The following MYCT1 variants were observed in gnomAD, a reference collection of about 807,000 sequenced individuals.
The protein encoded by MYCT1 is MYC target 1, also known as myc target protein 1.
In MYCT1, 12 loss-of-function variants were observed where a neutral mutation model predicts 15.0. The observed-to-expected ratio is 0.80, with a 90% CI of 0.51 to 1.29. The LOEUF (loss-of-function observed/expected upper bound fraction) is 1.29, where lower values mean the gene tolerates loss of function less well. Ranked by LOEUF, MYCT1 falls within the 50% of genes most tolerant of loss-of-function variation. The probability of loss-of-function intolerance (pLI) is 0.00; values close to 1 mark genes in which losing one functional copy is unlikely to be tolerated. For missense variants in MYCT1, 287 were observed against 279.1 expected, an observed-to-expected ratio of 1.03 and a Z score of -0.20; for synonymous variants, 104 against 102.7, an observed-to-expected ratio of 1.01 and a Z score of -0.07.
In MYCT1 at chr6:152,722,038, T is replaced by C; in HGVS notation, c.493T>C (p.Ser165Pro). Residue 165 changes from serine (S) to proline (P), a missense_variant, in exon 2 of 2, where the codon TCT becomes CCT. Coordinates refer to ENST00000367245, the MANE Select transcript of MYCT1 (RefSeq NM_025107.3). ...SFPRKSSFRA[S>P]TFHPFLQCPP... ...TCCAAGAAAATCAAGTTTCAGAGCT[T>C]CTACTTTCCATCCCTTTCTGCAATG... The C allele has an allele frequency of 6.2e-7, 1 of 1,614,130 alleles. No homozygotes were observed. Among genetic ancestry groups the C allele is most frequent in the Non-Finnish European group, 8.5e-7 (1 of 1,180,022 alleles).
At chr6:152,740,599 G>A in the MYCT1 span, among the ~76,000 whole-genome samples, 4 of 152,186 alleles carry the variant, frequency 2.6e-5, no homozygotes, top group Admixed American at 1.3e-4. Context: ...TACATCTGAC[G>A]TAAATGCATA....
the MYCT1 span, among the ~76,000 whole-genome samples, chr6:152,746,442 T>C: frequency 6.6e-6 from 1 of 150,984 alleles, no homozygotes; most frequent in African/African-American, 2.5e-5. Context: ...GATTTCATCA[T>C]GCTATTTGGA....
chr6:152,723,505 A>C lies in MYCT1; in HGVS notation c.*1252A>C, dbSNP rs1451911038. 1 of 152,214 alleles carries C rather than the reference A, an allele frequency of 6.6e-6. No individual in the cohort carries two copies. Among genetic ancestry groups the C allele is most frequent in the Non-Finnish European group, 1.5e-5 (1 of 68,042 alleles). 9.4% of individuals were successfully genotyped at this position (152,214 alleles called of 1,614,324 possible). The stretch of plus-strand genomic sequence containing the variant: ...ACTGGGGAGAGAGTTTGTTATTGAA[A>C]TAGATGTTGCCCATGAAGAATTCTC... On this transcript the variant is annotated 3_prime_UTR_variant, in exon 2 of 2. Coordinates refer to ENST00000367245, the MANE Select transcript of MYCT1 (RefSeq NM_025107.3).
chr6:152,704,429 G>A (rs1157672741), intron 1 of MYCT1, among the ~76,000 whole-genome samples: 2 of 152,082 alleles, frequency 1.3e-5, no homozygotes, highest in Non-Finnish European at 2.9e-5. Flanking sequence ...TTGAAGTTAC[G>A]TAAATCTTCC....
chr6:152,702,188 T>C (rs2099721440), intron 1 of MYCT1, among the ~76,000 whole-genome samples: 1 of 152,166 alleles, frequency 6.6e-6, no homozygotes, highest in South Asian at 2.1e-4. Flanking sequence ...AAGCTCCTCC[T>C]CTTTAGATGC....
chr6:152,700,154 A>C (rs924392810), intron 1 of MYCT1, among the ~76,000 whole-genome samples: 2 of 152,158 alleles, frequency 1.3e-5, no homozygotes, highest in Non-Finnish European at 2.9e-5. Flanking sequence ...CATTTCCTGA[A>C]ATATAAATGT....
rs992193180 is a variant in MYCT1 at position 152,722,533 on chromosome 6, G to A, written c.*280G>A. ...ATTAAAAATAGTGATTCTAATGTAA[G>A]AATCAGCTAAGATGCATTATATATA... On this transcript the variant is annotated 3_prime_UTR_variant, in exon 2 of 2. Transcript: ENST00000367245. 3.0e-5 allele frequency: 10 copies of A among 330,980 alleles called. No individual in the cohort carries two copies. The highest frequency in any genetic ancestry group is 5.0e-5 in the Non-Finnish European group (9 of 181,496). The allele number at this position is 330,980 out of a possible 1,614,324, so 20.5% of individuals were successfully genotyped here.
the MYCT1 span, among the ~76,000 whole-genome samples, chr6:152,744,948 T>A: frequency 6.6e-6 from 1 of 152,028 alleles, no homozygotes; most frequent in African/African-American, 2.4e-5. Flanking sequence ...CAGGTTTAGC[T>A]TTAGGGCCAA....
At chr6:152,731,855 C>T in the MYCT1 span, among the ~76,000 whole-genome samples, 2 of 151,896 alleles carry the variant, frequency 1.3e-5, no homozygotes, top group Admixed American at 6.6e-5. Flanking sequence ...TCAAGCTATC[C>T]TCCCACCTCA....
the MYCT1 span, among the ~76,000 whole-genome samples, chr6:152,733,877 T>G: frequency 6.6e-6 from 1 of 152,134 alleles, no homozygotes; most frequent in African/African-American, 2.4e-5. Flanking sequence ...ACTGAACAAG[T>G]TGCTTTTTCT....
the MYCT1 span, among the ~76,000 whole-genome samples, chr6:152,744,119 C>G: frequency 9.4e-5 from 14 of 149,572 alleles, no homozygotes; most frequent in African/African-American, 3.4e-4. Flanking sequence ...GACCTTTTCT[C>G]TGCAATTGTG....
chr6:152,723,969 T>G lies in MYCT1; in HGVS notation c.*1716T>G, dbSNP rs2099725172. 6.6e-6 allele frequency: 1 copy of G among 152,174 alleles called. No individual in the cohort carries two copies. The allele number at this position is 152,174 out of a possible 1,614,324, so 9.4% of individuals were successfully genotyped here. A position where few individuals can be genotyped will look rare whatever the true frequency, so the allele number is the denominator to read the frequency against. On this transcript the variant is annotated 3_prime_UTR_variant, in exon 2 of 2. Coordinates refer to ENST00000367245, the MANE Select transcript of MYCT1 (RefSeq NM_025107.3). ...CATGGTTCAAGAATAAGAGATTCCA[T>G]GTAGCATTTTCTTTATTATTTTCAT...
At chr6:152,718,060 T>G (rs1583974524) in intron 1 of MYCT1, among the ~76,000 whole-genome samples, 1 of 152,184 alleles carries the variant, frequency 6.6e-6, no homozygotes, top group Non-Finnish European at 1.5e-5. Context: ...CCCCAAATTT[T>G]GGGCATAGAC....
In MYCT1 at chr6:152,722,024, C is replaced by A; in HGVS notation, c.479C>A (p.Ser160Ter). The change falls in exon 2 of 2, where the codon TCA becomes TAA. Residue 160 changes from serine to a stop codon, truncating the protein, a stop_gained. Transcript: ENST00000367245. LOFTEE classifies it low-confidence loss of function (END_TRUNC). Reference sequence around the variant, plus strand: ...CAAGCAAATTCCTTTCCAAGAAAATCAAGTTTCAGAGCTTCTACTTTCCAT... The same window carrying A: ...CAAGCAAATTCCTTTCCAAGAAAATAAAGTTTCAGAGCTTCTACTTTCCAT... ...LEQANSFPRK[S>*]SFRASTFHPF... 6.2e-7 allele frequency: 1 copy of A among 1,614,140 alleles called. No individual in the cohort carries two copies. Among genetic ancestry groups the A allele is most frequent in the Non-Finnish European group, 8.5e-7 (1 of 1,180,034 alleles).
chr6:152,716,464 T>C (rs1402019515), intron 1 of MYCT1, among the ~76,000 whole-genome samples: 2 of 152,184 alleles, frequency 1.3e-5, no homozygotes, highest in Non-Finnish European at 2.9e-5. Flanking sequence ...CCATCACTGA[T>C]AAATCACTTT....
chr6:152,739,204 C>T, the MYCT1 span, among the ~76,000 whole-genome samples: 1,197 of 151,594 alleles, frequency 7.9e-3, 16 homozygotes, highest in African/African-American at 0.027. Context: ...AAAAAGCCTA[C>T]ATTATTTTAT....
chr6:152,741,040 T>A, the MYCT1 span, among the ~76,000 whole-genome samples: 1 of 152,190 alleles, frequency 6.6e-6, no homozygotes, highest in Non-Finnish European at 1.5e-5. Flanking sequence ...CTAAAAACAA[T>A]GTGAATTTCT....
chr6:152,740,065 C>A, the MYCT1 span, among the ~76,000 whole-genome samples: 1 of 151,842 alleles, frequency 6.6e-6, no homozygotes, highest in South Asian at 2.1e-4. Context: ...TTATTATTTG[C>A]GATGGAGTTT....
rs2099725123 is a variant in MYCT1, at chr6:152,723,696, A to T, written c.*1443A>T. Reference sequence around the variant, plus strand: ...CACTTCCACAGGTGGCTGCCCTTGTAAGGAAGAATGCATCCCTAAATGTGG... The same window carrying T: ...CACTTCCACAGGTGGCTGCCCTTGTTAGGAAGAATGCATCCCTAAATGTGG... On this transcript the variant is annotated 3_prime_UTR_variant, in exon 2 of 2. Coordinates refer to ENST00000367245, the MANE Select transcript of MYCT1 (RefSeq NM_025107.3). 6.6e-6 allele frequency: 1 copy of T among 152,248 alleles called. No individual in the cohort carries two copies. Among genetic ancestry groups the T allele is most frequent in the Non-Finnish European group, 1.5e-5 (1 of 68,072 alleles). The allele number at this position is 152,248 out of a possible 1,614,324, so 9.4% of individuals were successfully genotyped here.
Sources: gnomAD v4.1 joint callset for allele counts (sites outside exome capture counted in the v4.1 genomes callset) on GRCh38, gnomAD v4.1.1 for gene constraint, MANE v1.5 for transcripts, NCBI Gene and HGNC (gene_info 2026-07-23, HGNC 2026-07-21) for gene names.